The following KCNIP4 variants were observed in gnomAD, a reference collection of about 807,000 sequenced individuals.
KCNIP4 encodes potassium voltage-gated channel interacting protein 4.
A neutral mutation model predicts 34.0 loss-of-function variants in KCNIP4; 12 were observed. That is an observed-to-expected ratio of 0.35 (90% CI 0.23 to 0.57). The LOEUF (loss-of-function observed/expected upper bound fraction) is 0.57, where lower values mean the gene tolerates loss of function less well. Among genes scored for constraint, KCNIP4 ranks in the 20% least tolerant of loss-of-function variants. The pLI is 0.83. For synonymous variants in KCNIP4, 124 were observed against 102.2 expected (o/e 1.21, Z -1.29); for missense variants, 238 against 311.7 (o/e 0.76, Z 1.78).
chr4:21,205,974 T>C (rs774327650), intron 1 of KCNIP4, among the ~76,000 whole-genome samples: 5 of 152,236 alleles, frequency 3.3e-5, no homozygotes, highest in Non-Finnish European at 7.3e-5. Context: ...ATTCAGGTTC[T>C]GCCTCTGTGC....
intron 3 of KCNIP4, among the ~76,000 whole-genome samples, chr4:20,844,740 C>T (rs563185564): frequency 1.7e-4 from 26 of 152,204 alleles, no homozygotes; most frequent in African/African-American, 6.3e-4. Context: ...AAATGTAGAT[C>T]CCTATAATTT....
At chr4:20,757,563 C>T (rs1382058084) in intron 4 of KCNIP4, among the ~76,000 whole-genome samples, 1 of 152,164 alleles carries the variant, frequency 6.6e-6, no homozygotes, top group Non-Finnish European at 1.5e-5. Context: ...CTGGCAATTT[C>T]CTGCAAATGC....
At chr4:21,786,405 C>T (rs151180104) in intron 1 of KCNIP4, among the ~76,000 whole-genome samples, 80 of 152,266 alleles carry the variant, frequency 5.3e-4, no homozygotes, top group African/African-American at 1.8e-3. Flanking sequence ...TCCATTTTTG[C>T]CAACACCTGT....
intron 1 of KCNIP4, among the ~76,000 whole-genome samples, chr4:21,439,318 G>A (rs10470803): frequency 0.27 from 41,041 of 150,864 alleles, 6,615 homozygotes; most frequent in Non-Finnish European, 0.37. Flanking sequence ...TATTTTTCCT[G>A]TATATCCGCA....
intron 3 of KCNIP4, among the ~76,000 whole-genome samples, chr4:20,806,150 A>G (rs1229260783): frequency 4.6e-5 from 7 of 152,016 alleles, no homozygotes; most frequent in African/African-American, 1.7e-4. Context: ...ACTTTTTAAA[A>G]ATGAGTTTCT....
At chr4:21,169,610 C>G (rs1048849383) in intron 1 of KCNIP4, among the ~76,000 whole-genome samples, 1 of 149,418 alleles carries the variant, frequency 6.7e-6, no homozygotes, top group African/African-American at 2.5e-5. Context: ...CTTGGAAATT[C>G]TCTATTTGGT....
Position 21,155,467 on chromosome 4 carries a change from G to C in KCNIP4, c.62-272758C>G, listed in dbSNP as rs574281784. 5.3e-5 allele frequency among the ~76,000 whole-genome samples: 8 copies of C among 152,294 alleles called. No individual in the cohort carries two copies. The East Asian group carries it at 1.3e-3, about 26-fold the overall frequency. On this transcript the variant is annotated intron_variant, in intron 1 of 8. Coordinates refer to ENST00000382152, the MANE Select transcript of KCNIP4 (RefSeq NM_025221.6). ...TCTTCTCTGGAGGGTATGGAAAGACGTTTTGATAAATATTATTCCATTGAT... is the reference window on the plus strand; with the variant it reads ...TCTTCTCTGGAGGGTATGGAAAGACCTTTTGATAAATATTATTCCATTGAT...
chr4:21,385,898 G>T (rs1045638026), intron 1 of KCNIP4, among the ~76,000 whole-genome samples: 3 of 152,096 alleles, frequency 2.0e-5, no homozygotes. Context: ...CAATAATTTT[G>T]CTGACCAAGT....
chr4:21,654,645 C>T (rs1041540173), intron 1 of KCNIP4, among the ~76,000 whole-genome samples: 5 of 152,164 alleles, frequency 3.3e-5, no homozygotes, highest in African/African-American at 1.2e-4. Flanking sequence ...AAAACTGGGC[C>T]GGGTATGGTG....
intron 1 of KCNIP4, among the ~76,000 whole-genome samples, chr4:21,625,674 T>C (rs1028774317): frequency 6.6e-6 from 1 of 152,308 alleles, no homozygotes; most frequent in South Asian, 2.1e-4. Context: ...AGTCACTCTA[T>C]ATAAGAGAGA....
At chr4:21,383,787 T>TA (rs1476183929) in intron 1 of KCNIP4, among the ~76,000 whole-genome samples, 2 of 152,236 alleles carry the variant, frequency 1.3e-5, no homozygotes, top group East Asian at 1.9e-4. Flanking sequence ...GAGGGTTCAT[T>TA]AAAAAATCTG....
chr4:21,742,440 G>A (rs1297203222), intron 1 of KCNIP4, among the ~76,000 whole-genome samples: 1 of 152,154 alleles, frequency 6.6e-6, no homozygotes, highest in East Asian at 1.9e-4. Flanking sequence ...GATTAAAGGA[G>A]ACCTCTGATT....
chr4:21,177,557 C>T (rs982128918), intron 1 of KCNIP4, among the ~76,000 whole-genome samples: 2 of 151,892 alleles, frequency 1.3e-5, no homozygotes, highest in African/African-American at 2.4e-5. Flanking sequence ...CAAGGCACAG[C>T]GGCTCACACC....
chr4:21,773,752 T>TG (rs373135486), intron 1 of KCNIP4, among the ~76,000 whole-genome samples: 87,866 of 137,738 alleles, frequency 0.64, 28,520 homozygotes, highest in Non-Finnish European at 0.74. Context: ...GTTGTTTTTT[T>TG]TTTTTTGTTT....
chr4:21,836,025 A>C (rs1723297294), intron 1 of KCNIP4, among the ~76,000 whole-genome samples: 1 of 152,216 alleles, frequency 6.6e-6, no homozygotes, highest in Admixed American at 6.5e-5. Context: ...AAGTATAAGA[A>C]AAAACAGGGC....
At chr4:21,737,363 GT>G (rs113512144) in intron 1 of KCNIP4, among the ~76,000 whole-genome samples, 5 of 149,964 alleles carry the variant, frequency 3.3e-5, no homozygotes, top group East Asian at 1.9e-4. Context: ...CTCTTTCTGG[GT>G]TTTTTTTTAA....
At chr4:21,326,867 T>C (rs1412336247) in intron 1 of KCNIP4, among the ~76,000 whole-genome samples, 1 of 152,048 alleles carries the variant, frequency 6.6e-6, no homozygotes, top group Non-Finnish European at 1.5e-5. Context: ...TTATAACCTA[T>C]TATTTTAAAC....
intron 1 of KCNIP4, among the ~76,000 whole-genome samples, chr4:21,129,826 G>C (rs191949067): frequency 3.3e-5 from 5 of 152,014 alleles, no homozygotes; most frequent in Non-Finnish European, 7.4e-5. Flanking sequence ...GATAAAAGTT[G>C]ATGTTCTTGG....
intron 1 of KCNIP4, among the ~76,000 whole-genome samples, chr4:20,948,535 G>T (rs1170323659): frequency 1.3e-5 from 2 of 152,184 alleles, no homozygotes; most frequent in Non-Finnish European, 2.9e-5. Flanking sequence ...CACTCCTGCA[G>T]CATGCTGGCT....
Sources: allele counts gnomAD v4.1 joint callset (sites outside exome capture counted in the v4.1 genomes callset), GRCh38; gene constraint gnomAD v4.1.1; transcripts MANE v1.5; gene names NCBI Gene and HGNC (gene_info 2026-07-23, HGNC 2026-07-21).